ZNF487: variants seen among roughly 807,000 people sequenced by gnomAD.
The protein encoded by ZNF487 is KRAB domain only 1.
A neutral mutation model predicts 3.0 loss-of-function variants in ZNF487; 4 were observed. The ratio of observed to expected loss-of-function variants is 1.35; its 90% confidence interval spans 0.66 to 3.08. The LOEUF (loss-of-function observed/expected upper bound fraction) is 3.08. Ranked by LOEUF, ZNF487 falls within the 30% of genes most tolerant of loss-of-function variation. The probability of loss-of-function intolerance (pLI) is 0.01; values close to 1 mark genes in which losing one functional copy is unlikely to be tolerated. For synonymous variants in ZNF487, 55 were observed against 34.6 expected (o/e 1.59, Z -2.06); for missense variants, 146 against 98.7 (o/e 1.48, Z -2.03).
At chr10:43,513,239 G>C in the ZNF487 span, among the ~76,000 whole-genome samples, 1 of 152,244 alleles carries the variant, frequency 6.6e-6, no homozygotes, top group Non-Finnish European at 1.5e-5. Flanking sequence ...GGACAGTAAA[G>C]GTATATTGCT....
chr10:43,503,449 T>C, the ZNF487 span, among the ~76,000 whole-genome samples: 1 of 152,212 alleles, frequency 6.6e-6, no homozygotes, highest in Non-Finnish European at 1.5e-5. Flanking sequence ...ATAAACTTAG[T>C]GTAGCCCAAG....
the ZNF487 span, among the ~76,000 whole-genome samples, chr10:43,510,841 C>T: frequency 5.9e-5 from 9 of 152,344 alleles, no homozygotes; most frequent in Admixed American, 2.0e-4. Context: ...CCACCGTGCC[C>T]GGCCCTGTAA....
chr10:43,481,461 A>G lies in ZNF487; in HGVS notation c.163A>G (p.Arg55Gly), dbSNP rs1447252142. 1.4e-6 allele frequency: 1 copy of G among 717,026 alleles called. No homozygotes were observed. Among genetic ancestry groups the G allele is most frequent in the Non-Finnish European group, 2.6e-6 (1 of 385,000 alleles). 44.4% of individuals were successfully genotyped at this position (717,026 alleles called of 1,614,324 possible). The change falls in exon 4 of 4, where the codon AGA (arginine) becomes GGA (glycine). Residue 55 changes from arginine (R) to glycine (G), a missense_variant. Coordinates refer to ENST00000437590, the MANE Select transcript of ZNF487 (RefSeq NM_001355444.3). ...CCIDDDLMEK[R>G]QENQDQHLQK... ...CATAGATGATGACCTGATGGAGAAG[A>G]GACAGGAAAATCAAGACCAGCATTT...
intron 1 of ZNF487, chr10:43,453,617 A>G (rs1840078100): frequency 6.6e-6 from 1 of 152,200 alleles, no homozygotes; most frequent in African/African-American, 2.4e-5. Context: ...CCACACAACT[A>G]CAGATGTTAC....
the ZNF487 span, among the ~76,000 whole-genome samples, chr10:43,522,798 A>T: frequency 1.3e-5 from 2 of 151,628 alleles, no homozygotes; most frequent in African/African-American, 4.9e-5. Context: ...AAACATATGT[A>T]TTAGTGAGTA....
intron 1 of ZNF487, among the ~76,000 whole-genome samples, chr10:43,437,845 ATATT>A (rs74788286): frequency 3.3e-5 from 5 of 151,548 alleles, no homozygotes; most frequent in South Asian, 2.1e-4. Flanking sequence ...TTGGTTGGAA[ATATT>A]TATTTATTTA....
At chr10:43,507,587 C>T in the ZNF487 span, among the ~76,000 whole-genome samples, 1 of 152,210 alleles carries the variant, frequency 6.6e-6, no homozygotes, top group African/African-American at 2.4e-5. Context: ...GAGAATGTAG[C>T]TCAACTGCTT....
rs767998256 is a variant in ZNF487 at position 43,475,837 on chromosome 10, C to T, written c.24C>T (p.Leu8=). The part of the protein sequence containing the change: MLENYSL[L]LSVGYCITKP... ...TGATGCTGGAGAACTACAGCCTCCTCCTCTCAGTGGGTAAGGATTATGTAA... is the reference window on the plus strand; with the variant it reads ...TGATGCTGGAGAACTACAGCCTCCTTCTCTCAGTGGGTAAGGATTATGTAA... Residue 8 remains leucine (L), a synonymous_variant, in exon 2 of 4, where the codon CTC becomes CTT. Coordinates refer to ENST00000437590, the MANE Select transcript of ZNF487 (RefSeq NM_001355444.3). The T allele has an allele frequency of 1.3e-5, 10 of 777,854 alleles. No homozygotes were observed. The African/African-American group carries it at 1.5e-4, about 12-fold the overall frequency. 48.2% of individuals were successfully genotyped at this position (777,854 alleles called of 1,614,324 possible).
chr10:43,475,793 A>T lies in ZNF487; in HGVS notation c.-21A>T, dbSNP rs1398995589. 2.8e-5 allele frequency: 22 copies of T among 780,768 alleles called. No individual in the cohort carries two copies. Among genetic ancestry groups the T allele is most frequent in the Non-Finnish European group, 4.5e-5 (19 of 418,084 alleles). The allele number at this position is 780,768 out of a possible 1,614,324, so 48.4% of individuals were successfully genotyped here. ...GTGGCAGCATCTGGACTCTGCTCAG[A>T]GGACCCCGTACAGAGACATGATGCT... On this transcript the variant is annotated 5_prime_UTR_variant, in exon 2 of 4. Transcript: ENST00000437590.
chr10:43,460,376 C>CT (rs1840384897), intron 1 of ZNF487, among the ~76,000 whole-genome samples: 1 of 136,692 alleles, frequency 7.3e-6, no homozygotes, highest in Non-Finnish European at 1.6e-5. Flanking sequence ...TGTTTTCTTT[C>CT]TTTCTTTTTT....
intron 1 of ZNF487, among the ~76,000 whole-genome samples, chr10:43,460,368 T>TTTTC (rs1336451558): frequency 1.6e-4 from 24 of 150,542 alleles, no homozygotes; most frequent in Middle Eastern, 6.9e-3. Context: ...GAGTCTGTTG[T>TTTTC]TTTCTTTCTT....
At chr10:43,517,476 T>C in the ZNF487 span, among the ~76,000 whole-genome samples, 1 of 152,218 alleles carries the variant, frequency 6.6e-6, no homozygotes, top group Non-Finnish European at 1.5e-5. Context: ...CAAAGACTCC[T>C]TTACCATAGG....
At chr10:43,457,058 A>G (rs917176393) in intron 1 of ZNF487, among the ~76,000 whole-genome samples, 1 of 152,178 alleles carries the variant, frequency 6.6e-6, no homozygotes, top group African/African-American at 2.4e-5. Context: ...CTGGATTACC[A>G]ATTTCTGCCT....
chr10:43,463,512 T>A (rs1363309445), intron 1 of ZNF487, among the ~76,000 whole-genome samples: 1 of 151,754 alleles, frequency 6.6e-6, no homozygotes, highest in African/African-American at 2.4e-5. Context: ...CATTGCAGTC[T>A]GGGTTTCAGA....
At chr10:43,498,683 C>T in the ZNF487 span, among the ~76,000 whole-genome samples, 13 of 151,864 alleles carry the variant, frequency 8.6e-5, no homozygotes, top group African/African-American at 3.1e-4. Flanking sequence ...TGGCTCACGC[C>T]TGTAATCCCA....
chr10:43,487,519 C>T (rs1484259901), downstream of ZNF487, among the ~76,000 whole-genome samples: 1 of 149,894 alleles, frequency 6.7e-6, no homozygotes, highest in African/African-American at 2.5e-5. Context: ...GCGCAATCTC[C>T]GCTCACTGCA....
the ZNF487 span, among the ~76,000 whole-genome samples, chr10:43,500,647 G>A: frequency 4.0e-5 from 6 of 150,724 alleles, no homozygotes; most frequent in Admixed American, 2.0e-4. Context: ...GACCACAGGC[G>A]CACACCACCA....
At position 43,481,593 on chromosome 10, in the gene ZNF487, C is replaced by T. The variant is rs940362214; in HGVS notation, c.295C>T (p.Arg99Cys). 46 of 697,132 alleles carry T rather than the reference C, an allele frequency of 6.6e-5. No homozygotes were observed. In the East Asian group the frequency reaches 7.3e-4, roughly 11 times the overall value. 43.2% of individuals were successfully genotyped at this position (697,132 alleles called of 1,614,324 possible). A position where few individuals can be genotyped will look rare whatever the true frequency, so the allele number is the denominator to read the frequency against. The change falls in exon 4 of 4, where the codon CGT becomes TGT. Residue 99 changes from arginine (R) to cysteine (C), a missense_variant. By Grantham distance (180) the Arg-to-Cys change is radical (BLOSUM62 -3). Transcript: ENST00000437590. ...DTNPILSRKI[R>C]GNCDSSGMNL... The stretch of plus-strand genomic sequence containing the variant: ...AAACCCCATTCTATCAAGAAAAATA[C>T]GTGGCAACTGTGACTCATCTGGAAT...
At chr10:43,509,084 C>A in the ZNF487 span, among the ~76,000 whole-genome samples, 11 of 151,794 alleles carry the variant, frequency 7.2e-5, no homozygotes, top group East Asian at 2.1e-3. Context: ...ATCCCAGCTA[C>A]TCGGGTGGCT....
Sources: gnomAD v4.1 joint callset for allele counts (sites outside exome capture counted in the v4.1 genomes callset) on GRCh38, gnomAD v4.1.1 for gene constraint, MANE v1.5 for transcripts, NCBI Gene and HGNC (gene_info 2026-07-23, HGNC 2026-07-21) for gene names.